Variants in VTA1 observed in about 807,000 individuals in gnomAD.
VTA1 encodes the protein vesicle trafficking 1.
VTA1 carries 24 observed loss-of-function variants against 36.9 expected under a neutral mutation model. That is an observed-to-expected ratio of 0.65 (90% CI 0.47 to 0.91). The LOEUF (loss-of-function observed/expected upper bound fraction) is 0.91, where lower values mean the gene tolerates loss of function less well. VTA1 is among the 40% of genes least tolerant of loss of function. The probability of loss-of-function intolerance (pLI) is 0.00; values close to 1 mark genes in which losing one functional copy is unlikely to be tolerated. For missense variants in VTA1, 393 were observed against 377.2 expected, an observed-to-expected ratio of 1.04 and a Z score of -0.35; for synonymous variants, 142 against 130.2, an observed-to-expected ratio of 1.09 and a Z score of -0.62.
chr6:142,181,473 A>G (rs1316086564), intron 4 of VTA1, among the ~76,000 whole-genome samples: 1 of 141,632 alleles, frequency 7.1e-6, no homozygotes, highest in Non-Finnish European at 1.5e-5. Context: ...ATATATATAT[A>G]TGTATATGTA....
At chr6:142,150,145 C>T (rs942725370) in intron 1 of VTA1, among the ~76,000 whole-genome samples, 4 of 151,934 alleles carry the variant, frequency 2.6e-5, no homozygotes, top group African/African-American at 9.7e-5. Context: ...TATTTTTAAC[C>T]ACTCTATTTC....
intron 6 of VTA1, among the ~76,000 whole-genome samples, chr6:142,200,167 T>G (rs1328123563): frequency 1.3e-5 from 2 of 152,132 alleles, no homozygotes; most frequent in Admixed American, 6.5e-5. Context: ...ATTTTTCCTC[T>G]TTCTAATATG....
chr6:142,181,286 A>G (rs1412904884), intron 4 of VTA1, among the ~76,000 whole-genome samples: 1 of 147,296 alleles, frequency 6.8e-6, no homozygotes. Context: ...GGTGGCTGCT[A>G]CCATGCCCAG....
intron 7 of VTA1, among the ~76,000 whole-genome samples, chr6:142,209,414 CTA>C (rs890842952): frequency 6.7e-5 from 10 of 148,712 alleles, no homozygotes; most frequent in African/African-American, 2.2e-4. Flanking sequence ...CTAAGAAAAA[CTA>C]TATAAAATTC....
At chr6:142,213,907 A>T (rs1470984803) in intron 7 of VTA1, among the ~76,000 whole-genome samples, 1 of 152,034 alleles carries the variant, frequency 6.6e-6, no homozygotes, top group African/African-American at 2.4e-5. Flanking sequence ...CCCTAGAGAC[A>T]CTTTCCCCCA....
intron 4 of VTA1, among the ~76,000 whole-genome samples, chr6:142,175,637 C>T (rs1562260749): frequency 6.6e-6 from 1 of 151,964 alleles, no homozygotes; most frequent in Non-Finnish European, 1.5e-5. Context: ...TGAAAAGTTG[C>T]TATAGTGTTT....
chr6:142,209,903 CA>C (rs912255700), intron 7 of VTA1, among the ~76,000 whole-genome samples: 5 of 151,408 alleles, frequency 3.3e-5, no homozygotes, highest in Non-Finnish European at 7.4e-5. Context: ...GACATTTTAC[CA>C]AAAAAAAGAA....
intron 7 of VTA1, among the ~76,000 whole-genome samples, chr6:142,213,489 C>T (rs1019731139): frequency 3.3e-5 from 5 of 152,230 alleles, no homozygotes; most frequent in Non-Finnish European, 5.9e-5. Flanking sequence ...CCTCTTCTCA[C>T]AGCTCCACTA....
chr6:142,213,664 A>C (rs980115406), intron 7 of VTA1, among the ~76,000 whole-genome samples: 2 of 152,138 alleles, frequency 1.3e-5, no homozygotes, highest in Admixed American at 1.3e-4. Context: ...GAGATTCCCA[A>C]ACCTCACCTC....
At chr6:142,165,412 T>C (rs1050152171) in intron 1 of VTA1, among the ~76,000 whole-genome samples, 22 of 152,320 alleles carry the variant, frequency 1.4e-4, no homozygotes, top group Admixed American at 5.2e-4. Flanking sequence ...TATTTTGCAA[T>C]TCAGGAGTTT....
rs138571339 is a variant in VTA1, at chr6:142,167,393, G to A, written c.207+1071G>A. 2.1e-3 allele frequency among the ~76,000 whole-genome samples: 316 copies of A among 152,270 alleles called. 2 individuals carry two copies. The highest frequency in any genetic ancestry group is 7.6e-3 in the Admixed American group (116 of 15,296). On this transcript the variant is annotated intron_variant, in intron 2 of 7. Coordinates refer to ENST00000367630, the MANE Select transcript of VTA1 (RefSeq NM_016485.5). The stretch of plus-strand genomic sequence containing the variant: ...CTCCAAGACTGTTACATTAATAGTC[G>A]TGACTTACTTTTTATTTGCTTATTT...
chr6:142,192,744 C>A (rs114288944), intron 5 of VTA1, among the ~76,000 whole-genome samples: 4,043 of 151,378 alleles, frequency 0.027, 180 homozygotes, highest in African/African-American at 0.092. Context: ...TTTCAAAATA[C>A]AACCTGGTGT....
At chr6:142,183,759 A>C (rs1390839978) in intron 4 of VTA1, among the ~76,000 whole-genome samples, 2 of 152,234 alleles carry the variant, frequency 1.3e-5, no homozygotes, top group African/African-American at 2.4e-5. Context: ...AAAGTGAATT[A>C]GTGGAATTAC....
intron 5 of VTA1, among the ~76,000 whole-genome samples, chr6:142,193,890 A>G (rs1202154359): frequency 6.6e-6 from 1 of 152,024 alleles, no homozygotes; most frequent in African/African-American, 2.4e-5. Flanking sequence ...AGGGATCTTA[A>G]TACCTTCTTA....
chr6:142,151,755 C>T (rs1243616257), intron 1 of VTA1, among the ~76,000 whole-genome samples: 2 of 152,304 alleles, frequency 1.3e-5, no homozygotes, highest in Middle Eastern at 3.4e-3. Context: ...ACAGCTTGGC[C>T]GAGCACGGTG....
At chr6:142,202,359 T>A (rs1775705052) in intron 6 of VTA1, among the ~76,000 whole-genome samples, 1 of 151,966 alleles carries the variant, frequency 6.6e-6, no homozygotes, top group South Asian at 2.1e-4. Context: ...AATATATTCA[T>A]ATACACAGTA....
chr6:142,218,483 T>G lies in VTA1; in HGVS notation c.779-15T>G. ...TATATTCTTATAAATATCCCAATTG[T>G]TCTTTTTCTTCTAGGGGATGTTCGT... On this transcript the variant is annotated splice_polypyrimidine_tract_variant and intron_variant, in intron 7 of 7. Transcript: ENST00000367630. 10 of 1,611,240 alleles carry G rather than the reference T, an allele frequency of 6.2e-6. No homozygotes were observed. Among genetic ancestry groups the G allele is most frequent in the Non-Finnish European group, 7.6e-6 (9 of 1,179,086 alleles).
chr6:142,193,636 T>G (rs1775494005), intron 5 of VTA1, among the ~76,000 whole-genome samples: 1 of 152,042 alleles, frequency 6.6e-6, no homozygotes, highest in Non-Finnish European at 1.5e-5. Context: ...TATTCTTTAT[T>G]ATGATCCTTT....
intron 1 of VTA1, among the ~76,000 whole-genome samples, chr6:142,155,897 T>C (rs1467488790): frequency 6.6e-6 from 1 of 152,212 alleles, no homozygotes; most frequent in Non-Finnish European, 1.5e-5. Context: ...GTCTTTCTTC[T>C]AGACTGTAAA....
Sources: allele counts gnomAD v4.1 joint callset (sites outside exome capture counted in the v4.1 genomes callset), GRCh38; gene constraint gnomAD v4.1.1; transcripts MANE v1.5; gene names NCBI Gene and HGNC (gene_info 2026-07-23, HGNC 2026-07-21).